The following ELL variants were observed in gnomAD, a reference collection of about 807,000 sequenced individuals.
ELL encodes elongation factor for RNA polymerase II.
A neutral mutation model predicts 64.0 loss-of-function variants in ELL; 18 were observed. That is an observed-to-expected ratio of 0.28 (90% confidence interval 0.19 to 0.42). The LOEUF is 0.42. Among genes scored for constraint, ELL ranks in the 10% least tolerant of loss-of-function variants. The pLI is 1.00. For missense variants in ELL, 797 were observed against 870.4 expected, an observed-to-expected ratio of 0.92 and a Z score of 1.06; for synonymous variants, 399 against 376.2, an observed-to-expected ratio of 1.06 and a Z score of -0.70.
chr19:18,458,381 G>A (rs1202886355), intron 5 of ELL, 52 bp from the exon 6 acceptor site: 9 of 1,583,580 alleles, frequency 5.7e-6, no homozygotes, highest in Non-Finnish European at 7.7e-6. Flanking sequence ...AGAGACGGGG[G>A]ACTAGAGAAA....
At chr19:18,445,342 G>T in intron 10 of ELL, 74 bp from the exon 11 acceptor site, 1 of 1,485,778 alleles carries the variant, frequency 6.7e-7, no homozygotes, top group Non-Finnish European at 9.4e-7. Context: ...AGTGGTCCCA[G>T]GTGCTCTGAG....
chr19:18,456,399 G>A (rs981073715), intron 6 of ELL, among the ~76,000 whole-genome samples: 2 of 152,164 alleles, frequency 1.3e-5, no homozygotes, highest in South Asian at 2.1e-4. Context: ...GTGATCAACC[G>A]CCGGCTCAGC....
chr19:18,478,815 C>T (rs139009292), intron 1 of ELL, among the ~76,000 whole-genome samples: 102 of 152,346 alleles, frequency 6.7e-4, no homozygotes, highest in African/African-American at 2.4e-3. Context: ...TTGGCCTGGG[C>T]GCCCACTGGG....
chr19:18,451,461 G>C, intron 7 of ELL, 91 bp downstream of exon 7: 1 of 1,158,452 alleles, frequency 8.6e-7, no homozygotes, highest in Non-Finnish European at 1.1e-6. Flanking sequence ...ATGCTCCAAA[G>C]AGCTGGTGAG....
Position 18,450,658 on chromosome 19 carries a change from G to C in ELL, c.1284C>G (p.Pro428=). 1 of 1,596,428 alleles carries C rather than the reference G, an allele frequency of 6.3e-7. No individual in the cohort carries two copies. The change falls in exon 8 of 12, where the codon CCC becomes CCG. Residue 428 remains proline, a synonymous_variant. Transcript: ENST00000262809. The part of the protein sequence containing the change: ...APAPTVRLGL[P]LLTDCAQPSR... ...TGGGCTGGGCACAGTCCGTCAGCAG[G>C]GGCAGGCCGAGGCGCACAGTGGGGG...
chr19:18,443,123 AG>A lies in ELL; in HGVS notation c.*1628del. The A allele has an allele frequency of 4.3e-6, 1 of 232,516 alleles. No individual in the cohort carries two copies. Among genetic ancestry groups the A allele is most frequent in the South Asian group, 1.8e-4 (1 of 5,524 alleles). The allele number at this position is 232,516 out of a possible 1,614,324, so 14.4% of individuals were successfully genotyped here. On this transcript the variant is annotated 3_prime_UTR_variant, in exon 12 of 12. Coordinates refer to ENST00000262809, the MANE Select transcript of ELL (RefSeq NM_006532.4). Reference sequence around the variant, plus strand: ...ATCATCCCACCTCACCGGTGTCTGCAGGGCTGCCTGCGGGCGACACAGCAAG... The same window carrying A: ...ATCATCCCACCTCACCGGTGTCTGCAGGCTGCCTGCGGGCGACACAGCAAG...
At chr19:18,463,018 CAAT>C (rs1042716908) in intron 4 of ELL, among the ~76,000 whole-genome samples, 2 of 152,196 alleles carry the variant, frequency 1.3e-5, no homozygotes, top group African/African-American at 2.4e-5. Context: ...CTGTCCTGAA[CAAT>C]GATGCCCCGG....
intron 1 of ELL, among the ~76,000 whole-genome samples, chr19:18,512,149 C>T (rs1489328270): frequency 1.0e-4 from 14 of 138,574 alleles, no homozygotes; most frequent in Non-Finnish European, 2.1e-4. Context: ...AGTAAGACTC[C>T]GTCTCAAAAA....
chr19:18,518,465 G>A (rs572482524), intron 1 of ELL, among the ~76,000 whole-genome samples: 1,848 of 150,158 alleles, frequency 0.012, 20 homozygotes, highest in South Asian at 0.022. Context: ...ACTCCAGCCT[G>A]GACAATGGAG....
chr19:18,510,555 CCT>C (rs889481884), intron 1 of ELL, among the ~76,000 whole-genome samples: 17 of 152,182 alleles, frequency 1.1e-4, no homozygotes, highest in African/African-American at 3.6e-4. Context: ...TCGAGACCTT[CCT>C]CTGTCACCTG....
intron 1 of ELL, among the ~76,000 whole-genome samples, chr19:18,521,710 C>A (rs1323491906): frequency 1.3e-5 from 2 of 152,162 alleles, no homozygotes; most frequent in East Asian, 3.9e-4. Context: ...CCCGGGCCAC[C>A]CGCCTGTATT....
chr19:18,507,168 A>C (rs1484199742), intron 1 of ELL, among the ~76,000 whole-genome samples: 1 of 152,168 alleles, frequency 6.6e-6, no homozygotes, highest in African/African-American at 2.4e-5. Flanking sequence ...CAACTCCAAA[A>C]ATAGTGCCAC....
At chr19:18,484,573 G>A (rs776224199) in intron 1 of ELL, among the ~76,000 whole-genome samples, 6 of 152,188 alleles carry the variant, frequency 3.9e-5, no homozygotes, top group Non-Finnish European at 7.3e-5. Context: ...ACAGGCGATC[G>A]AGGCTGCAGT....
intron 10 of ELL, 150 bp from the exon 11 acceptor site, chr19:18,445,418 CGGCT>C: frequency 1.2e-6 from 1 of 803,438 alleles, no homozygotes; most frequent in Non-Finnish European, 2.1e-6. Context: ...GGGCCCACAG[CGGCT>C]GTAGCTCCGG....
At chr19:18,472,729 G>C in intron 2 of ELL, 106 bp downstream of exon 2, 1 of 1,381,424 alleles carries the variant, frequency 7.2e-7, no homozygotes, top group African/African-American at 1.5e-5. Context: ...GGCAGACAGG[G>C]CCCAAACACT....
intron 1 of ELL, among the ~76,000 whole-genome samples, chr19:18,502,518 G>A (rs983508056): frequency 5.9e-5 from 9 of 152,200 alleles, no homozygotes; most frequent in African/African-American, 1.9e-4. Context: ...GCAACCAGCC[G>A]CATCAGGAGC....
chr19:18,482,307 CCTTT>C (rs1217087884), intron 1 of ELL, among the ~76,000 whole-genome samples: 2 of 79,046 alleles, frequency 2.5e-5, no homozygotes, highest in Non-Finnish European at 4.5e-5. Flanking sequence ...TCTTTTCATT[CCTTT>C]TTTTTTTTTT....
chr19:18,454,858 A>AAAAAAAAAG lies in ELL; in HGVS notation c.870-3211_870-3210insCTTTTTTTT, dbSNP rs1974623564. On this transcript the variant is annotated intron_variant, in intron 6 of 11. Coordinates refer to ENST00000262809, the MANE Select transcript of ELL (RefSeq NM_006532.4). ...TCAGTCTCAAAAAAAAAAAAAAAAA[A>AAAAAAAAAG]GGCATCCTGGCTGGGCACGGTGGCT... 6.3e-5 allele frequency among the ~76,000 whole-genome samples: 9 copies of AAAAAAAAAG among 143,804 alleles called. No individual in the cohort carries two copies. The South Asian group carries it at 2.0e-3, about 32-fold the overall frequency. 94.3% of individuals were successfully genotyped at this position (143,804 alleles called of 152,430 possible).
Position 18,450,483 on chromosome 19 carries a change from T to C in ELL, c.1459A>G (p.Thr487Ala), listed in dbSNP as rs916866368. Residue 487 changes from threonine (T) to alanine (A), a missense_variant, in exon 8 of 12, where the codon ACC (threonine) becomes GCC (alanine). By Grantham distance (58) the Thr-to-Ala change is moderately conservative (BLOSUM62 0). Transcript: ENST00000262809. ...THATPGAPADTPGLNGTCSVS... is the reference protein window; with the variant it reads ...THATPGAPADAPGLNGTCSVS... ...CTCCTGCCTGGGCACCTACCTGGGG[T>C]GTCTGCTGGGGCTCCGGGGGTGGCA... is the stretch of plus-strand genomic sequence containing the variant. 5.0e-6 allele frequency: 8 copies of C among 1,612,254 alleles called. No individual in the cohort carries two copies. The highest frequency in any genetic ancestry group is 2.2e-5 in the East Asian group (1 of 44,860).
Sources: gnomAD v4.1 joint callset for allele counts (sites outside exome capture counted in the v4.1 genomes callset) on GRCh38, gnomAD v4.1.1 for gene constraint, MANE v1.5 for transcripts, NCBI Gene and HGNC (gene_info 2026-07-23, HGNC 2026-07-21) for gene names.